PTPN7: variants seen among roughly 807,000 people sequenced by gnomAD.
PTPN7 encodes tyrosine-protein phosphatase non-receptor type 7.
A neutral mutation model predicts 50.3 loss-of-function variants in PTPN7; 33 were observed. The ratio of observed to expected loss-of-function variants is 0.66; its 90% confidence interval spans 0.50 to 0.88. The LOEUF (loss-of-function observed/expected upper bound fraction) is 0.88, where lower values mean the gene tolerates loss of function less well. Among genes scored for constraint, PTPN7 ranks in the 40% least tolerant of loss-of-function variants. The pLI, the probability that PTPN7 is intolerant of heterozygous loss-of-function variation, is 0.00. For missense variants in PTPN7, 412 were observed against 475.4 expected (o/e 0.87, Z 1.24); for synonymous variants, 185 against 186.6 (o/e 0.99, Z 0.07).
At position 202,148,499 on chromosome 1, in the gene PTPN7, C is replaced by T; in HGVS notation, c.*107G>A. On this transcript the variant is annotated 3_prime_UTR_variant, in exon 10 of 10. Transcript: ENST00000691036. ...CACCACTAAGGAGGCACTCCTTCCC[C>T]ACACCAACCCAAGGGGTACCCCCAG... The T allele has an allele frequency of 1.0e-6, 1 of 977,074 alleles. No individual in the cohort carries two copies. The highest frequency in any genetic ancestry group is 1.6e-5 in the African/African-American group (1 of 62,156). 60.5% of individuals were successfully genotyped at this position (977,074 alleles called of 1,614,324 possible).
At chr1:202,150,073 T>C (rs1340026232) in intron 9 of PTPN7, 2 of 391,930 alleles carry the variant, frequency 5.1e-6, no homozygotes, top group Non-Finnish European at 9.7e-6. Context: ...GCTCAGGTGA[T>C]CCACCCGCCT....
rs117097866 is a variant in PTPN7, at chr1:202,147,554, C to T, written c.*1052G>A. ...GGAATCCTGAGGTGTGGCGTTCAGT[C>T]CTGAGGTAGACCTGAGGTCCCCTGG... On this transcript the variant is annotated 3_prime_UTR_variant, in exon 10 of 10. Transcript: ENST00000691036. The T allele has an allele frequency of 6.6e-6, 1 of 152,258 alleles. No homozygotes were observed. Among genetic ancestry groups the T allele is most frequent in the East Asian group, 1.9e-4 (1 of 5,168 alleles). The allele number at this position is 152,258 out of a possible 1,614,324, so 9.4% of individuals were successfully genotyped here.
chr1:202,149,449 T>C (rs907479314), intron 9 of PTPN7, among the ~76,000 whole-genome samples: 2 of 152,212 alleles, frequency 1.3e-5, no homozygotes, highest in African/African-American at 4.8e-5. Flanking sequence ...ATAAGTTAAC[T>C]CATTTCTTAC....
chr1:202,158,102 G>T lies in PTPN7; in HGVS notation c.306+16C>A. 6.4e-7 allele frequency: 1 copy of T among 1,574,750 alleles called. No homozygotes were observed. The highest frequency in any genetic ancestry group is 8.6e-7 in the Non-Finnish European group (1 of 1,161,560). ...ACAGAGGGCAGAGCGATTCAGAGGGGACCCCAATTTCTTACCAAGAATTCT... is the reference window on the plus strand; with the variant it reads ...ACAGAGGGCAGAGCGATTCAGAGGGTACCCCAATTTCTTACCAAGAATTCT... On this transcript the variant is annotated intron_variant, in intron 3 of 9. Coordinates refer to ENST00000691036, the MANE Select transcript of PTPN7 (RefSeq NM_002832.4).
chr1:202,148,836 T>TC, intron 9 of PTPN7, 137 bp from the exon 10 acceptor site: 3 of 463,408 alleles, frequency 6.5e-6, no homozygotes, highest in Non-Finnish European at 7.4e-6. Context: ...TTGCCTATAT[T>TC]CATCTTTTCA....
rs772374293 is a variant in PTPN7 at position 202,159,052 on chromosome 1, G to A, written c.122+229C>T. 208 of 563,768 alleles carry A rather than the reference G, an allele frequency of 3.7e-4. No homozygotes were observed. Among genetic ancestry groups the A allele is most frequent in the Middle Eastern group, 1.9e-3 (4 of 2,070 alleles). 34.9% of individuals were successfully genotyped at this position (563,768 alleles called of 1,614,324 possible). A position where few individuals can be genotyped will look rare whatever the true frequency, so the allele number is the denominator to read the frequency against. ...ATGCATCCAGCACCAAGAAGGCTGTGGGCCTTGCCTGGAATTTAGGGAGCA... is the reference window on the plus strand; with the variant it reads ...ATGCATCCAGCACCAAGAAGGCTGTAGGCCTTGCCTGGAATTTAGGGAGCA... On this transcript the variant is annotated intron_variant, in intron 2 of 9. Transcript: ENST00000691036. The surrounding 1 kb of genome is among the most constrained non-coding windows in gnomAD (Gnocchi z 4.6).
chr1:202,160,878 C>A (rs4259724), upstream of PTPN7: 86,917 of 1,468,356 alleles, frequency 0.059, 4,492 homozygotes, highest in East Asian at 0.27. This position sits in a 1 kb window ranked among gnomAD's most constrained non-coding sequence, Gnocchi z 4.8. Context: ...TCACATCCAG[C>A]CGCTGCCTAC....
upstream of PTPN7, chr1:202,160,993 C>G (rs1657321733): frequency 2.1e-6 from 3 of 1,424,724 alleles, no homozygotes; most frequent in Non-Finnish European, 2.7e-6. This position sits in a 1 kb window ranked among gnomAD's most constrained non-coding sequence, Gnocchi z 4.8. Context: ...TTCTCCTTCT[C>G]TGCTTCTGCC....
intron 5 of PTPN7, among the ~76,000 whole-genome samples, chr1:202,155,066 A>C (rs1656500450): frequency 6.6e-6 from 1 of 152,160 alleles, no homozygotes; most frequent in South Asian, 2.1e-4. Flanking sequence ...GCTGGCGTGG[A>C]ACACCCACCT....
At chr1:202,161,292 T>G, upstream of PTPN7, 1 of 1,159,242 alleles carries the variant, frequency 8.6e-7, no homozygotes, top group Non-Finnish European at 1.1e-6. Context: ...GATAGCAGAG[T>G]CCACTTGTGG....
At chr1:202,155,947 C>G (rs569470937) in intron 4 of PTPN7, among the ~76,000 whole-genome samples, 1 of 152,078 alleles carries the variant, frequency 6.6e-6, no homozygotes, top group Non-Finnish European at 1.5e-5. Context: ...TATTTATTTA[C>G]GTTTTTTGTA....
chr1:202,154,897 T>C (rs1433857245), intron 5 of PTPN7, among the ~76,000 whole-genome samples: 1 of 152,244 alleles, frequency 6.6e-6, no homozygotes, highest in Non-Finnish European at 1.5e-5. Flanking sequence ...CAGACTGCAG[T>C]TGATCCGGTA....
rs2147838199 is a variant in PTPN7 at position 202,153,794 on chromosome 1, T to C, written c.648A>G (p.Gly216=). Residue 216 remains glycine, a synonymous_variant, in exon 7 of 10, where the codon GGA becomes GGG. Coordinates refer to ENST00000691036, the MANE Select transcript of PTPN7 (RefSeq NM_002832.4). The part of the protein sequence containing the change: ...HYWPTEEETY[G]PFQIRIQDMK... ...TGTCCTGGATGCGGATCTGGAAGGG[T>C]CCATAGGTTTCCTCTTCTGTGGGCC... The C allele has an allele frequency of 2.5e-6, 4 of 1,613,846 alleles. No individual in the cohort carries two copies. The highest frequency in any genetic ancestry group is 1.6e-4 in the Middle Eastern group (1 of 6,062).
At chr1:202,158,786 CT>C (rs533403948) in intron 2 of PTPN7, 6,603 of 139,006 alleles carry the variant, frequency 0.048, 128 homozygotes, top group Middle Eastern at 0.11. Flanking sequence ...TGTGTGCCCT[CT>C]TTTTTTTTTT....
intron 8 of PTPN7, among the ~76,000 whole-genome samples, 158 bp from the exon 9 acceptor site, chr1:202,150,582 T>A (rs1655892698): frequency 6.6e-6 from 1 of 152,170 alleles, no homozygotes; most frequent in African/African-American, 2.4e-5. Flanking sequence ...TGCTTTCCAG[T>A]CCCCTTGGGG....
chr1:202,157,772 C>T lies in PTPN7; in HGVS notation c.358G>A (p.Ala120Thr), dbSNP rs149783764. 427 of 1,614,084 alleles carry T rather than the reference C, an allele frequency of 2.6e-4. No homozygotes were observed. Among genetic ancestry groups the T allele is most frequent in the Middle Eastern group, 1.2e-3 (7 of 6,062 alleles). ...ATGGTCTTGTATCGGTCCTTGGAGG[C>T]GTGGCCAGGGATGTCCAGGTCTTCG... Reference protein sequence around the residue: ...SPEDLDIPGHASKDRYKTILP... With the variant: ...SPEDLDIPGHTSKDRYKTILP... The change falls in exon 4 of 10, where the codon GCC becomes ACC. Residue 120 changes from alanine to threonine, a missense_variant. Ala to Thr is a moderately conservative substitution (Grantham distance 58). Transcript: ENST00000691036.
chr1:202,161,048 C>G, upstream of PTPN7: 1 of 1,384,886 alleles, frequency 7.2e-7, no homozygotes, highest in Non-Finnish European at 9.3e-7. Flanking sequence ...GGCCCTCTCC[C>G]TCAAAGCCCT....
Position 202,159,051 on chromosome 1 carries a change from T to C in PTPN7, c.122+230A>G, listed in dbSNP as rs10920345. 0.12 allele frequency: 66,449 copies of C among 560,986 alleles called. 5,077 individuals are homozygous for C. The highest frequency in any genetic ancestry group is 0.26 in the African/African-American group (13,717 of 53,194). 34.8% of individuals were successfully genotyped at this position (560,986 alleles called of 1,614,324 possible). On this transcript the variant is annotated intron_variant, in intron 2 of 9. Coordinates refer to ENST00000691036, the MANE Select transcript of PTPN7 (RefSeq NM_002832.4). This position sits in a 1 kb window ranked among gnomAD's most constrained non-coding sequence, Gnocchi z 4.6. ...CATGCATCCAGCACCAAGAAGGCTG[T>C]GGGCCTTGCCTGGAATTTAGGGAGC...
At position 202,159,769 on chromosome 1, in the gene PTPN7, T is replaced by C. The variant is rs971722053; in HGVS notation, c.-52-315A>G. The C allele has an allele frequency of 3.2e-6, 4 of 1,252,714 alleles. No individual in the cohort carries two copies. The highest frequency in any genetic ancestry group is 4.0e-6 in the Non-Finnish European group (4 of 997,634). 77.6% of individuals were successfully genotyped at this position (1,252,714 alleles called of 1,614,324 possible). A position where few individuals can be genotyped will look rare whatever the true frequency, so the allele number is the denominator to read the frequency against. ...ACACAGGGCTCTGAGCAGGTCCAAG[T>C]GGGAGAAGGCAAGGGAGGAAACAGA... On this transcript the variant is annotated intron_variant, in intron 1 of 9. Coordinates refer to ENST00000691036, the MANE Select transcript of PTPN7 (RefSeq NM_002832.4). This position sits in a 1 kb window ranked among gnomAD's most constrained non-coding sequence, Gnocchi z 4.6.
Sources: allele counts gnomAD v4.1 joint callset (sites outside exome capture counted in the v4.1 genomes callset), GRCh38; gene constraint gnomAD v4.1.1; non-coding constraint Gnocchi (gnomAD v3.1); transcripts MANE v1.5; gene names NCBI Gene and HGNC (gene_info 2026-07-23, HGNC 2026-07-21).